The following SYN3 variants were observed in gnomAD, a reference collection of about 807,000 sequenced individuals.
The protein encoded by SYN3 is synapsin-3.
Under a neutral mutation model 65.8 loss-of-function variants are expected in SYN3, and 35 were observed. That is an observed-to-expected ratio of 0.53 (90% CI 0.41 to 0.70). The LOEUF (loss-of-function observed/expected upper bound fraction) is 0.70. Ranked by LOEUF, SYN3 falls within the 30% of genes least tolerant of loss-of-function variation. SYN3 has a pLI of 0.00. For synonymous variants in SYN3, 270 were observed against 292.9 expected, an observed-to-expected ratio of 0.92 and a Z score of 0.80; for missense variants, 680 against 749.0, an observed-to-expected ratio of 0.91 and a Z score of 1.08.
intron 7 of SYN3, among the ~76,000 whole-genome samples, chr22:32,595,941 A>G (rs62232739): frequency 0.2 from 30,081 of 152,090 alleles, 3,123 homozygotes; most frequent in Middle Eastern, 0.28. Flanking sequence ...GCCAGGTATT[A>G]TGGCACACAC....
intron 6 of SYN3, among the ~76,000 whole-genome samples, chr22:32,818,998 TATAA>T (rs2047162515): frequency 6.6e-6 from 1 of 152,222 alleles, no homozygotes; most frequent in East Asian, 1.9e-4. Flanking sequence ...CTGACACAGT[TATAA>T]ATAACCTCGA....
intron 2 of SYN3, among the ~76,000 whole-genome samples, chr22:32,986,032 C>G (rs553533482): frequency 6.6e-6 from 1 of 152,160 alleles, no homozygotes; most frequent in African/African-American, 2.4e-5. Flanking sequence ...TGCCCTCTGC[C>G]CCCAAACATA....
chr22:32,947,848 G>GGTTA (rs1481878461), intron 3 of SYN3, among the ~76,000 whole-genome samples: 2 of 152,206 alleles, frequency 1.3e-5, no homozygotes, highest in African/African-American at 4.8e-5. Context: ...TAGCTTGGTT[G>GGTTA]GTTTCTCTGT....
At chr22:32,991,750 T>G (rs1266275904) in intron 2 of SYN3, among the ~76,000 whole-genome samples, 3 of 152,160 alleles carry the variant, frequency 2.0e-5, no homozygotes, top group African/African-American at 7.2e-5. Flanking sequence ...AGATGGCAAT[T>G]AGCTTAGTGC....
At chr22:32,820,598 A>AG (rs1569250551) in intron 6 of SYN3, among the ~76,000 whole-genome samples, 1 of 152,162 alleles carries the variant, frequency 6.6e-6, no homozygotes, top group Non-Finnish European at 1.5e-5. Context: ...CTTAGTTGGC[A>AG]CATCTTGCTT....
intron 4 of SYN3, among the ~76,000 whole-genome samples, chr22:32,877,065 G>A (rs926160894): frequency 6.6e-6 from 1 of 152,210 alleles, no homozygotes; most frequent in African/African-American, 2.4e-5. Flanking sequence ...CCATTGCTAT[G>A]CCTGATGGAC....
At chr22:32,916,935 C>A (rs2146612412) in intron 4 of SYN3, among the ~76,000 whole-genome samples, 1 of 152,310 alleles carries the variant, frequency 6.6e-6, no homozygotes, top group Non-Finnish European at 1.5e-5. Flanking sequence ...CCTCACTACA[C>A]TGTGTTGCCT....
chr22:32,800,291 G>A (rs570969925), intron 6 of SYN3, among the ~76,000 whole-genome samples: 3 of 152,210 alleles, frequency 2.0e-5, no homozygotes, highest in Non-Finnish European at 4.4e-5. Context: ...TAGAAAGATG[G>A]AAGATCCCAG....
At chr22:32,764,920 A>G (rs914822224) in intron 6 of SYN3, among the ~76,000 whole-genome samples, 7 of 152,084 alleles carry the variant, frequency 4.6e-5, no homozygotes, top group Admixed American at 6.6e-5. Flanking sequence ...GTAGGTTGTG[A>G]AATCATGACT....
chr22:32,780,096 GAA>G (rs130537), intron 6 of SYN3, among the ~76,000 whole-genome samples: 2 of 138,996 alleles, frequency 1.4e-5, no homozygotes, highest in East Asian at 2.1e-4. Flanking sequence ...GAAAAAAAGA[GAA>G]AAAAAACAGA....
intron 6 of SYN3, among the ~76,000 whole-genome samples, chr22:32,840,329 G>C (rs2047858100): frequency 6.6e-6 from 1 of 152,144 alleles, no homozygotes; most frequent in South Asian, 2.1e-4. Flanking sequence ...TATCTTGATG[G>C]GGAGTGCATG....
At chr22:32,592,601 G>A (rs2059143307) in intron 7 of SYN3, among the ~76,000 whole-genome samples, 1 of 152,074 alleles carries the variant, frequency 6.6e-6, no homozygotes, top group South Asian at 2.1e-4. Flanking sequence ...CTGATGCCAG[G>A]TTTCCTCTTA....
chr22:32,795,161 C>G (rs2046402291), intron 6 of SYN3, among the ~76,000 whole-genome samples: 1 of 152,146 alleles, frequency 6.6e-6, no homozygotes, highest in African/African-American at 2.4e-5. Context: ...CCACGGAGCA[C>G]AAGTGAATCA....
intron 6 of SYN3, among the ~76,000 whole-genome samples, chr22:32,789,590 T>C (rs765926697): frequency 2.4e-4 from 37 of 152,210 alleles, no homozygotes; most frequent in Admixed American, 5.9e-4. Context: ...TGCTTTTGTG[T>C]GGAGAATTAT....
intron 7 of SYN3, among the ~76,000 whole-genome samples, chr22:32,554,141 G>A (rs1186860640): frequency 1.3e-5 from 2 of 152,230 alleles, no homozygotes; most frequent in Non-Finnish European, 2.9e-5. Context: ...CCAGGTTGGA[G>A]AGGTGGTGTC....
intron 6 of SYN3, among the ~76,000 whole-genome samples, chr22:32,656,128 G>A (rs1413565107): frequency 2.0e-5 from 3 of 152,270 alleles, no homozygotes; most frequent in East Asian, 1.9e-4. Context: ...GGTTTTGAAC[G>A]GCTCATAATA....
chr22:32,875,379 G>A (rs2048956194), intron 4 of SYN3, among the ~76,000 whole-genome samples: 1 of 152,102 alleles, frequency 6.6e-6, no homozygotes, highest in Admixed American at 6.5e-5. Flanking sequence ...TCACAATCCT[G>A]GTATCTTTAT....
chr22:32,617,017 G>A (rs1237028284), intron 6 of SYN3, among the ~76,000 whole-genome samples: 2 of 152,252 alleles, frequency 1.3e-5, no homozygotes, highest in Non-Finnish European at 2.9e-5. Flanking sequence ...AAGGCGCTGC[G>A]GGAGGGAAGG....
chr22:32,944,540 A>G (rs2146781028), intron 3 of SYN3, among the ~76,000 whole-genome samples: 1 of 152,330 alleles, frequency 6.6e-6, no homozygotes, highest in South Asian at 2.1e-4. Flanking sequence ...GATGGGATGT[A>G]TCTCAAAATA....
Sources: gnomAD v4.1 joint callset for allele counts (sites outside exome capture counted in the v4.1 genomes callset) on GRCh38, gnomAD v4.1.1 for gene constraint, MANE v1.5 for transcripts, NCBI Gene and HGNC (gene_info 2026-07-23, HGNC 2026-07-21) for gene names.